RAC1: variants seen among roughly 807,000 people sequenced by gnomAD.
RAC1 encodes Rac family small GTPase 1.
RAC1 carries 2 observed loss-of-function variants against 25.2 expected under a neutral mutation model. The observed-to-expected ratio is 0.08, with a 90% confidence interval of 0.03 to 0.25. RAC1 has a LOEUF of 0.25. Among genes scored for constraint, RAC1 ranks in the 10% least tolerant of loss-of-function variants. The pLI, the probability that RAC1 is intolerant of heterozygous loss-of-function variation, is 1.00. For synonymous variants in RAC1, 88 were observed against 94.0 expected (o/e 0.94, Z 0.37); for missense variants, 50 against 235.7 (o/e 0.21, Z 5.16).
chr7:6,391,966 G>A lies in RAC1; in HGVS notation c.150G>A (p.Pro50=), dbSNP rs368218911. 3.7e-6 allele frequency: 6 copies of A among 1,614,036 alleles called. No individual in the cohort carries two copies. Among genetic ancestry groups the A allele is most frequent in the Admixed American group, 1.7e-5 (1 of 60,002 alleles). The part of the protein sequence containing the change: ...YSANVMVDGK[P]VNLGLWDTAG... ...CCAATGTTATGGTAGATGGAAAACC[G>A]GTGAATCTGGGCTTATGGGATACAG... Residue 50 remains proline, a synonymous_variant, in exon 3 of 6, where the codon CCG becomes CCA. Transcript: ENST00000348035.
At chr7:6,388,493 C>T (rs1450375101) in intron 2 of RAC1, among the ~76,000 whole-genome samples, 1 of 151,750 alleles carries the variant, frequency 6.6e-6, no homozygotes, top group Non-Finnish European at 1.5e-5. Context: ...TACAGGCATA[C>T]ACCACCACAC....
At chr7:6,376,677 T>A (rs899655118) in intron 1 of RAC1, among the ~76,000 whole-genome samples, 40 of 148,966 alleles carry the variant, frequency 2.7e-4, no homozygotes, top group East Asian at 1.8e-3. Flanking sequence ...AATTTGTTTT[T>A]TTTTTTTTTT....
chr7:6,379,298 A>C (rs1349152035), intron 1 of RAC1, among the ~76,000 whole-genome samples: 1 of 62,368 alleles, frequency 1.6e-5, no homozygotes. Flanking sequence ...TTTGAGAAGG[A>C]GTTTTCGCCC....
intron 2 of RAC1, 138 bp downstream of exon 2, chr7:6,387,421 A>T: frequency 1.5e-6 from 1 of 660,854 alleles, no homozygotes; most frequent in Non-Finnish European, 2.6e-6. Context: ...ACTGAAACCT[A>T]ATTATAAGGT....
rs140297566 is a variant in RAC1, at chr7:6,400,266, C to T, written c.288+78C>T. ...ATAAATACTTTAAAATATCACTTAG[C>T]CTAGGAATTTTTAGTTATTTAAATT... On this transcript the variant is annotated intron_variant, in intron 4 of 5. Coordinates refer to ENST00000348035, the MANE Select transcript of RAC1 (RefSeq NM_006908.5). 3.8e-3 allele frequency: 5,184 copies of T among 1,358,698 alleles called. 97 individuals are homozygous for T. The highest frequency in any genetic ancestry group is 0.029 in the East Asian group (1,278 of 43,516). The allele number at this position is 1,358,698 out of a possible 1,614,324, so 84.2% of individuals were successfully genotyped here.
chr7:6,399,364 A>T (rs993504442), intron 3 of RAC1, among the ~76,000 whole-genome samples: 2 of 152,258 alleles, frequency 1.3e-5, no homozygotes, highest in African/African-American at 4.8e-5. Context: ...TATTTTAGAA[A>T]TCTAGCATTT....
At chr7:6,376,957 G>A (rs7456834) in intron 1 of RAC1, among the ~76,000 whole-genome samples, 1 of 151,680 alleles carries the variant, frequency 6.6e-6, no homozygotes, top group Non-Finnish European at 1.5e-5. Flanking sequence ...AATCTGGACC[G>A]TCCCTTCAAA....
chr7:6,388,157 G>A (rs1782974487), intron 2 of RAC1, among the ~76,000 whole-genome samples: 1 of 151,944 alleles, frequency 6.6e-6, no homozygotes, highest in Non-Finnish European at 1.5e-5. Context: ...CTCTGGTGAT[G>A]GGTTACCCGG....
chr7:6,374,914 C>T lies in RAC1; in HGVS notation c.35+144C>T, dbSNP rs2303363. 21,248 of 618,654 alleles carry T rather than the reference C, an allele frequency of 0.034. 1,779 individuals carry two copies. The East Asian group carries it at 0.52, about 15-fold the overall frequency. 38.3% of individuals were successfully genotyped at this position (618,654 alleles called of 1,614,324 possible). A position where few individuals can be genotyped will look rare whatever the true frequency, so the allele number is the denominator to read the frequency against. On this transcript the variant is annotated intron_variant, in intron 1 of 5. Coordinates refer to ENST00000348035, the MANE Select transcript of RAC1 (RefSeq NM_006908.5). ...TGGGCCTGTGTCGCGGGGCGGGGGC[C>T]GCGGGCGGGCGCCCCCACCGGACCC...
intron 3 of RAC1, 152 bp downstream of exon 3, chr7:6,392,193 T>A: frequency 1.5e-6 from 2 of 1,345,476 alleles, no homozygotes; most frequent in Non-Finnish European, 2.0e-6. Context: ...CATGTAAACA[T>A]CCCCCTAGAT....
intron 1 of RAC1, among the ~76,000 whole-genome samples, chr7:6,376,605 G>A (rs1215143031): frequency 6.7e-6 from 1 of 148,934 alleles, no homozygotes; most frequent in Non-Finnish European, 1.5e-5. Context: ...GGGTTCAAGC[G>A]ATTCTCGTGC....
At chr7:6,397,990 A>G (rs1296995414) in intron 3 of RAC1, among the ~76,000 whole-genome samples, 2 of 152,208 alleles carry the variant, frequency 1.3e-5, no homozygotes, top group Non-Finnish European at 2.9e-5. Flanking sequence ...CTCCGTCTCA[A>G]AAACGCTTGT....
intron 3 of RAC1, among the ~76,000 whole-genome samples, chr7:6,395,967 G>A (rs541970648): frequency 3.9e-5 from 6 of 152,220 alleles, no homozygotes; most frequent in Non-Finnish European, 7.3e-5. Context: ...CATCTGTTGT[G>A]GATGGTTCCA....
intron 1 of RAC1, among the ~76,000 whole-genome samples, chr7:6,386,810 A>G (rs539376088): frequency 1.3e-5 from 2 of 151,750 alleles, no homozygotes; most frequent in African/African-American, 2.4e-5. Flanking sequence ...AAAAAGAAAA[A>G]AAAGAAAAAA....
At chr7:6,378,188 A>T (rs187838576) in intron 1 of RAC1, among the ~76,000 whole-genome samples, 1 of 152,158 alleles carries the variant, frequency 6.6e-6, no homozygotes, top group Non-Finnish European at 1.5e-5. Context: ...CTCTATTTCA[A>T]TCTTCTGGGA....
intron 1 of RAC1, among the ~76,000 whole-genome samples, chr7:6,386,557 G>A (rs930075940): frequency 1.3e-5 from 2 of 151,990 alleles, no homozygotes; most frequent in African/African-American, 4.8e-5. Context: ...CCAGGTGGGC[G>A]GATCACTTGA....
intron 1 of RAC1, among the ~76,000 whole-genome samples, chr7:6,375,025 C>T (rs1782539904): frequency 6.6e-6 from 1 of 151,972 alleles, no homozygotes; most frequent in East Asian, 1.9e-4. Flanking sequence ...AAGTGAACTC[C>T]ACCCTCCGGC....
At chr7:6,387,522 G>A (rs1782956812) in intron 2 of RAC1, among the ~76,000 whole-genome samples, 1 of 151,996 alleles carries the variant, frequency 6.6e-6, no homozygotes, top group African/African-American at 2.4e-5. Context: ...TCAGGAGTTC[G>A]AGACCAGCAT....
chr7:6,398,562 G>T (rs1009010296), intron 3 of RAC1: 21 of 1,067,150 alleles, frequency 2.0e-5, no homozygotes, highest in Non-Finnish European at 2.8e-5. Flanking sequence ...TCTCCGGAGG[G>T]TTAAGACAAA....
Sources: allele counts gnomAD v4.1 joint callset (sites outside exome capture counted in the v4.1 genomes callset), GRCh38; gene constraint gnomAD v4.1.1; transcripts MANE v1.5; gene names NCBI Gene and HGNC (gene_info 2026-07-23, HGNC 2026-07-21).